MEGF11: variants seen among roughly 807,000 people sequenced by gnomAD.
The protein encoded by MEGF11 is multiple epidermal growth factor-like domains protein 11.
MEGF11 carries 126 observed loss-of-function variants against 146.6 expected under a neutral mutation model. The observed-to-expected ratio is 0.86, with a 90% CI of 0.74 to 1.00. The LOEUF is 1.00. Among genes scored for constraint, MEGF11 ranks in the 50% least tolerant of loss-of-function variants. The probability of loss-of-function intolerance (pLI) is 0.00; values close to 1 mark genes in which losing one functional copy is unlikely to be tolerated. For synonymous variants in MEGF11, 532 were observed against 583.4 expected (o/e 0.91, Z 1.27); for missense variants, 1,509 against 1,521.2 (o/e 0.99, Z 0.13).
intron 5 of MEGF11, among the ~76,000 whole-genome samples, chr15:66,039,244 T>G: frequency 6.6e-6 from 1 of 151,430 alleles, no homozygotes; most frequent in Non-Finnish European, 1.5e-5. Context: ...AGCGAAGAGG[T>G]CAGCAAGGAT....
At chr15:66,159,146 C>A (rs1017497733) in intron 1 of MEGF11, among the ~76,000 whole-genome samples, 5 of 152,186 alleles carry the variant, frequency 3.3e-5, no homozygotes, top group African/African-American at 1.2e-4. Context: ...TGATTTCAAA[C>A]AATTGTCTCA....
intron 5 of MEGF11, among the ~76,000 whole-genome samples, chr15:66,053,035 G>A (rs1255438913): frequency 6.6e-6 from 1 of 152,166 alleles, no homozygotes; most frequent in Non-Finnish European, 1.5e-5. Flanking sequence ...CAGATGAATG[G>A]ACAAGTGGAC....
intron 5 of MEGF11, among the ~76,000 whole-genome samples, chr15:66,077,317 C>T (rs570113816): frequency 6.6e-6 from 1 of 152,294 alleles, no homozygotes; most frequent in East Asian, 1.9e-4. Context: ...CTGCTTCTAC[C>T]ATATTTTTAG....
intron 1 of MEGF11, among the ~76,000 whole-genome samples, chr15:66,199,949 T>G (rs1304057610): frequency 6.9e-6 from 1 of 145,422 alleles, no homozygotes; most frequent in Non-Finnish European, 1.5e-5. Flanking sequence ...ATATGGTATA[T>G]CTACAAGATG....
Position 66,164,438 on chromosome 15 carries a change from G to A in MEGF11, c.-8-36027C>T, listed in dbSNP as rs531615220. Among the ~76,000 whole-genome samples, 80 of 152,306 alleles carry A rather than the reference G, an allele frequency of 5.3e-4. 2 individuals carry two copies. In the South Asian group the frequency reaches 0.016, roughly 31 times the overall value. On this transcript the variant is annotated intron_variant, in intron 1 of 25. Transcript: ENST00000395614. ...TAGTGGAGAGAATATTAAACCAAGA[G>A]TTAGGAGACCTGGGCCCAAGTTCTA...
Position 65,908,864 on chromosome 15 carries a change from T to G in MEGF11, c.2998+170A>C, listed in dbSNP as rs528526427. Among the ~76,000 whole-genome samples the G allele has an allele frequency of 2.0e-5, 3 of 152,294 alleles. No homozygotes were observed. The East Asian group carries it at 5.8e-4, about 29-fold the overall frequency. On this transcript the variant is annotated intron_variant, in intron 23 of 25. Transcript: ENST00000395614. ...GGTGATGGGGAAGATCCAGACAGGT[T>G]TCCATCTTTAGATAGGGGATTGAGC...
intron 15 of MEGF11, 56 bp downstream of exon 15, chr15:65,922,282 T>C: frequency 2.5e-6 from 4 of 1,579,276 alleles, no homozygotes; most frequent in Non-Finnish European, 3.4e-6. Flanking sequence ...TCCCTGCCAC[T>C]TTCCTCCCAG....
chr15:66,057,432 T>C (rs2084722361), intron 5 of MEGF11, among the ~76,000 whole-genome samples: 1 of 152,186 alleles, frequency 6.6e-6, no homozygotes, highest in African/African-American at 2.4e-5. Context: ...TGCAACTTCC[T>C]TGAGAATGCA....
intron 1 of MEGF11, among the ~76,000 whole-genome samples, chr15:66,228,336 G>A (rs529765854): frequency 2.0e-5 from 3 of 152,134 alleles, no homozygotes; most frequent in East Asian, 1.9e-4. Context: ...CCAAGACTAC[G>A]GAGCCAGCCC....
intron 1 of MEGF11, among the ~76,000 whole-genome samples, chr15:66,233,584 G>C (rs140973534): frequency 1.3e-5 from 2 of 152,214 alleles, no homozygotes; most frequent in South Asian, 4.1e-4. Flanking sequence ...GGAAACTAAG[G>C]CTTAGCAAGC....
chr15:65,945,145 C>T (rs2080143593), intron 10 of MEGF11, among the ~76,000 whole-genome samples: 1 of 152,220 alleles, frequency 6.6e-6, no homozygotes, highest in African/African-American at 2.4e-5. Context: ...ATCTGCCCTC[C>T]TCGGCCTCCT....
intron 10 of MEGF11, among the ~76,000 whole-genome samples, chr15:65,949,644 TG>T (rs2080321604): frequency 6.6e-6 from 1 of 152,232 alleles, no homozygotes; most frequent in South Asian, 2.1e-4. Flanking sequence ...AGGGAGCATC[TG>T]GGCTGAGGAA....
intron 5 of MEGF11, among the ~76,000 whole-genome samples, chr15:66,052,331 T>A (rs2084484156): frequency 1.3e-5 from 2 of 152,172 alleles, no homozygotes; most frequent in Admixed American, 1.3e-4. Context: ...GCCGTCCTTG[T>A]TACTTCCCCT....
At chr15:65,966,178 T>G (rs188839456) in intron 8 of MEGF11, among the ~76,000 whole-genome samples, 24 of 152,300 alleles carry the variant, frequency 1.6e-4, no homozygotes, top group Admixed American at 1.3e-3. Flanking sequence ...GTATTTTTAC[T>G]AGAGACGGGG....
intron 10 of MEGF11, among the ~76,000 whole-genome samples, chr15:65,945,539 C>A (rs1006195194): frequency 6.6e-6 from 1 of 152,130 alleles, no homozygotes; most frequent in Non-Finnish European, 1.5e-5. Flanking sequence ...AACCTTGCCA[C>A]GCCAGTTTAT....
intron 1 of MEGF11, among the ~76,000 whole-genome samples, chr15:66,142,386 C>G (rs906684849): frequency 6.6e-6 from 1 of 152,214 alleles, no homozygotes; most frequent in African/African-American, 2.4e-5. Context: ...GAACAGGCGC[C>G]CGCCAGACTC....
At chr15:66,095,922 C>G (rs1050232412) in intron 4 of MEGF11, among the ~76,000 whole-genome samples, 4 of 152,220 alleles carry the variant, frequency 2.6e-5, no homozygotes, top group African/African-American at 9.6e-5. Context: ...GCCTTGACCC[C>G]GGGGAACAGC....
intron 5 of MEGF11, among the ~76,000 whole-genome samples, chr15:66,051,651 C>T (rs1467049739): frequency 1.3e-5 from 2 of 152,180 alleles, no homozygotes; most frequent in Middle Eastern, 3.2e-3. Flanking sequence ...GGCAGCCATC[C>T]CATCTGCAGG....
chr15:66,090,551 C>T (rs1218896382), intron 5 of MEGF11, among the ~76,000 whole-genome samples: 7 of 152,230 alleles, frequency 4.6e-5, no homozygotes, highest in African/African-American at 1.2e-4. Context: ...CAGGGTGCTG[C>T]CCAGACCCCC....
Sources: allele counts gnomAD v4.1 joint callset (sites outside exome capture counted in the v4.1 genomes callset), GRCh38; gene constraint gnomAD v4.1.1; transcripts MANE v1.5; gene names NCBI Gene and HGNC (gene_info 2026-07-23, HGNC 2026-07-21).